The following TF variants were observed in gnomAD, a reference collection of about 807,000 sequenced individuals.
The protein encoded by TF is serotransferrin.
In TF, 55 loss-of-function variants were observed where a neutral mutation model predicts 82.4. That is an observed-to-expected ratio of 0.67 (90% CI 0.54 to 0.84). The LOEUF (loss-of-function observed/expected upper bound fraction) is 0.84. Ranked by LOEUF, TF falls within the 40% of genes least tolerant of loss-of-function variation. The probability of loss-of-function intolerance (pLI) is 0.00; values close to 1 mark genes in which losing one functional copy is unlikely to be tolerated. For synonymous variants in TF, 332 were observed against 332.6 expected (o/e 1.00, Z 0.02); for missense variants, 737 against 868.4 (o/e 0.85, Z 1.90).
At chr3:133,704,155 A>G in the TF span, 4 of 188,694 alleles carry the variant, frequency 2.1e-5, no homozygotes, top group South Asian at 4.5e-4. Flanking sequence ...AGCCAGTGAA[A>G]TGAGAACCTC....
the TF span, among the ~76,000 whole-genome samples, chr3:133,676,159 A>G: frequency 6.6e-6 from 1 of 152,184 alleles, no homozygotes; most frequent in Non-Finnish European, 1.5e-5. Context: ...GGAAAAAACT[A>G]TCACCATAGA....
chr3:133,752,075 G>A (rs1175619386), intron 2 of TF, among the ~76,000 whole-genome samples: 1 of 150,766 alleles, frequency 6.6e-6, no homozygotes, highest in Non-Finnish European at 1.5e-5. Flanking sequence ...AAAGTTCATG[G>A]AACTATAGCT....
At position 133,781,877 on chromosome 3, in the gene TF, A is replaced by G. The variant is rs546240561; in HGVS notation, c.*3257A>G. 6.6e-6 allele frequency: 1 copy of G among 152,346 alleles called. No homozygotes were observed. The highest frequency in any genetic ancestry group is 2.1e-4 in the South Asian group (1 of 4,830). 9.4% of individuals were successfully genotyped at this position (152,346 alleles called of 1,614,324 possible). A position where few individuals can be genotyped will look rare whatever the true frequency, so the allele number is the denominator to read the frequency against. The stretch of plus-strand genomic sequence containing the variant: ...AAGCAACAAAATGAAATGGCAACCT[A>G]TGGATTGGAAAAAATATTTGCAAAC... On this transcript the variant is annotated 3_prime_UTR_variant, in exon 17 of 17. Transcript: ENST00000402696.
chr3:133,693,170 T>C, the TF span, among the ~76,000 whole-genome samples: 1 of 152,220 alleles, frequency 6.6e-6, no homozygotes, highest in Non-Finnish European at 1.5e-5. Flanking sequence ...TCCTTATCCC[T>C]AGTCGCTTGG....
At chr3:133,674,813 G>C in the TF span, among the ~76,000 whole-genome samples, 1 of 152,154 alleles carries the variant, frequency 6.6e-6, no homozygotes, top group Admixed American at 6.5e-5. Context: ...CCACGCCGGC[G>C]CACCTGACAC....
the TF span, among the ~76,000 whole-genome samples, chr3:133,677,769 A>G: frequency 6.6e-6 from 1 of 152,028 alleles, no homozygotes; most frequent in Non-Finnish European, 1.5e-5. Flanking sequence ...CTGCAACCCC[A>G]AACACCTAGG....
At chr3:133,763,756 A>G (rs1031664513) in intron 9 of TF, among the ~76,000 whole-genome samples, 1 of 152,252 alleles carries the variant, frequency 6.6e-6, no homozygotes, top group African/African-American at 2.4e-5. Context: ...GCACTCAGCC[A>G]AGGAGGCTGA....
chr3:133,690,099 A>T, the TF span, among the ~76,000 whole-genome samples: 1 of 152,202 alleles, frequency 6.6e-6, no homozygotes, highest in Non-Finnish European at 1.5e-5. Flanking sequence ...TGATTAAAAG[A>T]CATAGACATA....
In TF at chr3:133,764,254, G is replaced by C. The variant is rs754541256; in HGVS notation, c.1276G>C (p.Val426Leu). ...YIAGKCGLVP[V>L]LAENYNKSDN... ...AGCGGGCAAGTGTGGTCTGGTGCCT[G>C]TCTTGGCAGAAAACTACAATAGTAA... The change falls in exon 10 of 17, where the codon GTC becomes CTC. Residue 426 changes from valine (V) to leucine (L), a missense_variant. Physicochemically the swap from Val to Leu is conservative, Grantham distance 32. Coordinates refer to ENST00000402696, the MANE Select transcript of TF (RefSeq NM_001063.4). 6.2e-7 allele frequency: 1 copy of C among 1,613,840 alleles called. No individual in the cohort carries two copies. The highest frequency in any genetic ancestry group is 1.3e-5 in the African/African-American group (1 of 74,922).
At chr3:133,711,363 G>A in the TF span, among the ~76,000 whole-genome samples, 1 of 152,172 alleles carries the variant, frequency 6.6e-6, no homozygotes, top group Non-Finnish European at 1.5e-5. Flanking sequence ...CTCCAGACAT[G>A]TATGTATTTA....
chr3:133,772,133 T>C (rs1052158632), intron 14 of TF, among the ~76,000 whole-genome samples: 9 of 152,238 alleles, frequency 5.9e-5, no homozygotes, highest in Non-Finnish European at 1.5e-5. Flanking sequence ...CAGAAACTCT[T>C]TGAGCTCTTT....
At chr3:133,756,444 TC>T (rs769491188) in intron 6 of TF, 107 bp downstream of exon 6, 4 of 1,268,900 alleles carry the variant, frequency 3.2e-6, no homozygotes, top group Non-Finnish European at 4.5e-6. Context: ...ACTGTATTTC[TC>T]CTTTATCATT....
Position 133,768,104 on chromosome 3 carries a change from G to A in TF, c.1562G>A (p.Gly521Asp), listed in dbSNP as rs1934170244. Reference sequence around the variant, plus strand: ...CTCTGTAAGCTGTGTATGGGCTCAGGCCTAAACCTGTGTGAACCCAACAAC... The same window carrying A: ...CTCTGTAAGCTGTGTATGGGCTCAGACCTAAACCTGTGTGAACCCAACAAC... The part of the protein sequence containing the change: ...SSLCKLCMGS[G>D]LNLCEPNNKE... Residue 521 changes from glycine to aspartate, a missense_variant, in exon 13 of 17, where the codon GGC becomes GAC. Coordinates refer to ENST00000402696, the MANE Select transcript of TF (RefSeq NM_001063.4). The A allele has an allele frequency of 6.2e-7, 1 of 1,614,158 alleles. No individual in the cohort carries two copies. The highest frequency in any genetic ancestry group is 8.5e-7 in the Non-Finnish European group (1 of 1,180,034).
At chr3:133,669,252 T>C in the TF span, among the ~76,000 whole-genome samples, 2 of 152,192 alleles carry the variant, frequency 1.3e-5, no homozygotes. Context: ...TCCACCCACC[T>C]AGGCCTCCCA....
At chr3:133,707,127 G>C in the TF span, among the ~76,000 whole-genome samples, 1 of 152,174 alleles carries the variant, frequency 6.6e-6, no homozygotes, top group African/African-American at 2.4e-5. Flanking sequence ...GTCACCAGCA[G>C]AGTGACTGAC....
intron 2 of TF, 38 bp from the exon 3 acceptor site, chr3:133,753,557 G>T: frequency 6.3e-7 from 1 of 1,588,024 alleles, no homozygotes; most frequent in Non-Finnish European, 8.6e-7. Context: ...TTCCTTGGAA[G>T]TCAAGGCTTC....
At chr3:133,710,402 C>T in the TF span, among the ~76,000 whole-genome samples, 1 of 152,078 alleles carries the variant, frequency 6.6e-6, no homozygotes, top group African/African-American at 2.4e-5. Flanking sequence ...CGTTGGTGTG[C>T]CCCCAACATT....
intron 13 of TF, among the ~76,000 whole-genome samples, chr3:133,769,354 A>G (rs1934204083): frequency 6.6e-6 from 1 of 152,228 alleles, no homozygotes; most frequent in African/African-American, 2.4e-5. Flanking sequence ...GACTTAAAAT[A>G]GAGTTCCCCT....
At chr3:133,748,792 T>G (rs1933579744) in intron 2 of TF, 2 of 632,172 alleles carry the variant, frequency 3.2e-6, no homozygotes, top group African/African-American at 3.7e-5. Context: ...TAACTTTTGC[T>G]TTCCAGACAC....
Sources: gnomAD v4.1 joint callset for allele counts (sites outside exome capture counted in the v4.1 genomes callset) on GRCh38, gnomAD v4.1.1 for gene constraint, MANE v1.5 for transcripts, NCBI Gene and HGNC (gene_info 2026-07-23, HGNC 2026-07-21) for gene names.